DLG2: variants seen among roughly 807,000 people sequenced by gnomAD.
The protein encoded by DLG2 is disks large homolog 2.
Under a neutral mutation model 132.5 loss-of-function variants are expected in DLG2, and 45 were observed. The ratio of observed to expected loss-of-function variants is 0.34; its 90% CI spans 0.27 to 0.44. DLG2 has a LOEUF of 0.44. Among genes scored for constraint, DLG2 ranks in the 20% least tolerant of loss-of-function variants. The pLI is 1.00. For synonymous variants in DLG2, 424 were observed against 419.6 expected (o/e 1.01, Z -0.13); for missense variants, 1,045 against 1,196.9 (o/e 0.87, Z 1.87).
At chr11:85,118,323 G>A (rs1594460262) in intron 5 of DLG2, among the ~76,000 whole-genome samples, 1 of 152,186 alleles carries the variant, frequency 6.6e-6, no homozygotes, top group East Asian at 1.9e-4. Context: ...TGATGGTGCT[G>A]AGTCATCCTC....
Position 85,143,382 on chromosome 11 carries a change from T to C in DLG2, c.282+11174A>G, listed in dbSNP as rs568304088. 1.2e-3 allele frequency among the ~76,000 whole-genome samples: 177 copies of C among 151,998 alleles called. 1 individual carries two copies. Among genetic ancestry groups the C allele is most frequent in the African/African-American group, 3.5e-3 (145 of 41,540 alleles). The stretch of plus-strand genomic sequence containing the variant: ...ATCCTTTGAATTTCTGTGATATCAG[T>C]TGTAATGTCACGTTTTTCATCTGAT... On this transcript the variant is annotated intron_variant, in intron 5 of 27. Coordinates refer to ENST00000376104, the MANE Select transcript of DLG2 (RefSeq NM_001142699.3).
intron 4 of DLG2, among the ~76,000 whole-genome samples, chr11:85,282,001 TAC>T (rs1156300113): frequency 6.6e-6 from 1 of 151,748 alleles, no homozygotes; most frequent in East Asian, 1.9e-4. Context: ...ATGTGGTACA[TAC>T]ACACAATGGG....
intron 18 of DLG2, among the ~76,000 whole-genome samples, chr11:83,767,710 A>T (rs2094202599): frequency 6.6e-6 from 1 of 152,234 alleles, no homozygotes; most frequent in Non-Finnish European, 1.5e-5. Context: ...CATGGAATAC[A>T]TAGAACCCTA....
In DLG2 at chr11:84,149,842, C is replaced by G. The variant is rs139677406; in HGVS notation, c.624+13619G>C. ...ACATGATCTCGGCTCACTGCAGCCTCCACCTCCCGGGTTCAAGTGATTCTT... is the reference window on the plus strand; with the variant it reads ...ACATGATCTCGGCTCACTGCAGCCTGCACCTCCCGGGTTCAAGTGATTCTT... On this transcript the variant is annotated intron_variant, in intron 9 of 27. Transcript: ENST00000376104. Among the ~76,000 whole-genome samples, 1,400 of 152,146 alleles carry G rather than the reference C, an allele frequency of 9.2e-3. 19 individuals are homozygous for G. The highest frequency in any genetic ancestry group is 0.031 in the African/African-American group (1,285 of 41,444).
chr11:84,810,656 G>C (rs1412032886), intron 6 of DLG2, among the ~76,000 whole-genome samples: 3 of 152,200 alleles, frequency 2.0e-5, no homozygotes, highest in Non-Finnish European at 4.4e-5. Context: ...TGTTCAAATA[G>C]TTTTATTCAC....
At chr11:84,104,125 T>A (rs938531483) in intron 9 of DLG2, among the ~76,000 whole-genome samples, 1 of 152,120 alleles carries the variant, frequency 6.6e-6, no homozygotes, top group African/African-American at 2.4e-5. Context: ...GGGGATAGTT[T>A]GGAGTCATTA....
At chr11:85,228,675 G>A (rs1012822653) in intron 4 of DLG2, among the ~76,000 whole-genome samples, 1 of 151,584 alleles carries the variant, frequency 6.6e-6, no homozygotes, top group African/African-American at 2.4e-5. Flanking sequence ...CTGTTACATA[G>A]CTTATCCTTT....
intron 6 of DLG2, among the ~76,000 whole-genome samples, chr11:84,855,673 G>A (rs759008788): frequency 1.3e-5 from 2 of 152,036 alleles, no homozygotes; most frequent in Non-Finnish European, 1.5e-5. Context: ...GTTAGGGCTA[G>A]GAGTTACACT....
At chr11:85,200,736 G>T (rs1431171477) in intron 4 of DLG2, among the ~76,000 whole-genome samples, 3 of 152,064 alleles carry the variant, frequency 2.0e-5, no homozygotes, top group Non-Finnish European at 4.4e-5. Flanking sequence ...ATGCTCATTA[G>T]AGCCAATGAG....
intron 6 of DLG2, among the ~76,000 whole-genome samples, chr11:84,802,893 G>A (rs1420100467): frequency 1.3e-5 from 2 of 152,134 alleles, no homozygotes; most frequent in African/African-American, 4.8e-5. Flanking sequence ...TCCACCTCCC[G>A]GGTTCAAGCG....
At chr11:84,603,628 C>T (rs2099580556) in intron 6 of DLG2, among the ~76,000 whole-genome samples, 1 of 151,970 alleles carries the variant, frequency 6.6e-6, no homozygotes, top group South Asian at 2.1e-4. Context: ...AGTTCTCAAT[C>T]TCTGAACCTG....
chr11:83,709,856 A>C (rs2084973620), intron 18 of DLG2, among the ~76,000 whole-genome samples: 1 of 152,190 alleles, frequency 6.6e-6, no homozygotes, highest in Non-Finnish European at 1.5e-5. Flanking sequence ...TCTAAGCGTA[A>C]GTAGGTGATC....
At chr11:85,424,192 C>G (rs535260718) in intron 3 of DLG2, among the ~76,000 whole-genome samples, 1 of 152,052 alleles carries the variant, frequency 6.6e-6, no homozygotes, top group Non-Finnish European at 1.5e-5. Flanking sequence ...GTTTCCCTAG[C>G]TGGGGGGTGT....
chr11:84,829,014 C>T (rs371356937), intron 6 of DLG2, among the ~76,000 whole-genome samples: 5 of 151,584 alleles, frequency 3.3e-5, no homozygotes, highest in East Asian at 3.9e-4. Context: ...CAACAGAACC[C>T]GCCTCAGGCT....
intron 3 of DLG2, among the ~76,000 whole-genome samples, chr11:85,379,805 C>A (rs2085729103): frequency 6.6e-6 from 1 of 152,160 alleles, no homozygotes; most frequent in South Asian, 2.1e-4. Flanking sequence ...TGAAGGAGTT[C>A]TCTTCACCTA....
chr11:84,655,506 CA>C (rs566373978), intron 6 of DLG2, among the ~76,000 whole-genome samples: 9 of 150,976 alleles, frequency 6.0e-5, no homozygotes, highest in Non-Finnish European at 1.2e-4. Context: ...ATTTCTTAAG[CA>C]AAAAAAATAC....
chr11:83,981,523 C>A (rs1438157228), intron 11 of DLG2, among the ~76,000 whole-genome samples: 1 of 152,082 alleles, frequency 6.6e-6, no homozygotes. Context: ...CTCGCTGCAA[C>A]CTCTGCCTCC....
chr11:84,170,794 CAGAT>C (rs1160424631), intron 8 of DLG2, among the ~76,000 whole-genome samples: 1 of 152,142 alleles, frequency 6.6e-6, no homozygotes, highest in Non-Finnish European at 1.5e-5. Flanking sequence ...TTTTCTCATG[CAGAT>C]AGATAACCTC....
At chr11:85,362,919 T>A (rs1231505104) in intron 3 of DLG2, among the ~76,000 whole-genome samples, 1 of 152,234 alleles carries the variant, frequency 6.6e-6, no homozygotes, top group Non-Finnish European at 1.5e-5. Context: ...TAAAAATTAC[T>A]GAGCTAACTG....
Sources: allele counts gnomAD v4.1 joint callset (sites outside exome capture counted in the v4.1 genomes callset), GRCh38; gene constraint gnomAD v4.1.1; transcripts MANE v1.5; gene names NCBI Gene and HGNC (gene_info 2026-07-23, HGNC 2026-07-21).